DLGAP2: variants seen among roughly 807,000 people sequenced by gnomAD.
DLGAP2 encodes disks large-associated protein 2.
DLGAP2 carries 26 observed loss-of-function variants against 100.3 expected under a neutral mutation model. That is an observed-to-expected ratio of 0.26 (90% CI 0.19 to 0.36). The LOEUF (loss-of-function observed/expected upper bound fraction) is 0.36. DLGAP2 is among the 10% of genes least tolerant of loss of function. DLGAP2 has a pLI of 1.00. For missense variants in DLGAP2, 1,858 were observed against 1,453.2 expected (o/e 1.28, Z -4.53); for synonymous variants, 886 against 630.1 (o/e 1.41, Z -6.08).
At chr8:1,231,260 T>C (rs1473878688) in intron 2 of DLGAP2, among the ~76,000 whole-genome samples, 1 of 152,178 alleles carries the variant, frequency 6.6e-6, no homozygotes, top group African/African-American at 2.4e-5. Context: ...CTAATTGTTA[T>C]AGAAATGTAA....
intron 3 of DLGAP2, among the ~76,000 whole-genome samples, chr8:1,388,906 G>C (rs555596230): frequency 4.6e-4 from 61 of 132,004 alleles, no homozygotes; most frequent in Middle Eastern, 4.1e-3. Context: ...GGCTGTGAGA[G>C]GCAGATGCCG....
chr8:1,173,928 C>G (rs539242102), intron 2 of DLGAP2, among the ~76,000 whole-genome samples: 2 of 152,334 alleles, frequency 1.3e-5, no homozygotes, highest in South Asian at 2.1e-4. Flanking sequence ...TGAGATGAAC[C>G]TGGTACCTCA....
intron 9 of DLGAP2, among the ~76,000 whole-genome samples, chr8:1,669,255 G>C (rs1342947315): frequency 6.6e-6 from 1 of 152,150 alleles, no homozygotes; most frequent in Admixed American, 6.5e-5. Context: ...CGGTTGACCC[G>C]CCGTCCATCT....
chr8:1,308,600 A>C (rs1271034790), intron 3 of DLGAP2, among the ~76,000 whole-genome samples: 2 of 152,308 alleles, frequency 1.3e-5, no homozygotes, highest in South Asian at 4.2e-4. Flanking sequence ...ATCTCAGCTC[A>C]CTGCAACCTC....
intron 3 of DLGAP2, among the ~76,000 whole-genome samples, chr8:1,365,865 C>A (rs1157625324): frequency 6.6e-6 from 1 of 152,250 alleles, no homozygotes; most frequent in South Asian, 2.1e-4. Context: ...AGTGTCACCT[C>A]TCTCTAACTC....
intron 2 of DLGAP2, among the ~76,000 whole-genome samples, chr8:931,806 A>G (rs961776617): frequency 5.9e-5 from 9 of 152,206 alleles, no homozygotes; most frequent in African/African-American, 1.9e-4. Flanking sequence ...GTCTTATGAC[A>G]TCCTTGATCT....
At chr8:1,390,583 G>T (rs916757347) in intron 3 of DLGAP2, among the ~76,000 whole-genome samples, 15 of 152,032 alleles carry the variant, frequency 9.9e-5, no homozygotes, top group Non-Finnish European at 2.1e-4. Flanking sequence ...TGGTCTCTGC[G>T]TGCCGCCTCC....
chr8:1,493,051 G>A (rs933366851), intron 3 of DLGAP2, among the ~76,000 whole-genome samples: 1 of 152,352 alleles, frequency 6.6e-6, no homozygotes, highest in East Asian at 1.9e-4. Flanking sequence ...AGGCTGCACA[G>A]AGATTCAGCC....
At chr8:869,354 G>A (rs2128991310) in intron 1 of DLGAP2, among the ~76,000 whole-genome samples, 1 of 152,276 alleles carries the variant, frequency 6.6e-6, no homozygotes, top group South Asian at 2.1e-4. Context: ...CGCCCTCCCT[G>A]TCAGATCCTG....
chr8:1,667,835 G>C (rs1262076538), intron 8 of DLGAP2, among the ~76,000 whole-genome samples: 4 of 152,166 alleles, frequency 2.6e-5, no homozygotes, highest in Non-Finnish European at 5.9e-5. Context: ...CTGTCCTGCG[G>C]GGACACACCT....
At chr8:1,152,993 C>G (rs1279698951) in intron 2 of DLGAP2, among the ~76,000 whole-genome samples, 1 of 152,318 alleles carries the variant, frequency 6.6e-6, no homozygotes, top group Middle Eastern at 3.4e-3. Flanking sequence ...TCAAGCTATT[C>G]TGTAGAAATT....
chr8:805,440 G>A lies in DLGAP2; in HGVS notation c.18+67615G>A, dbSNP rs142895440. Among the ~76,000 whole-genome samples, 11 of 152,030 alleles carry A rather than the reference G, an allele frequency of 7.2e-5. No individual in the cohort carries two copies. The East Asian group carries it at 1.2e-3, about 16-fold the overall frequency. On this transcript the variant is annotated intron_variant, in intron 1 of 14. Transcript: ENST00000637795. ...TGGGGCCACTACGTTTTTATGTCCC[G>A]CTAGACTCTTCACTTATCTAAAGAT...
intron 3 of DLGAP2, chr8:1,369,805 G>A (rs957810630): frequency 2.6e-5 from 4 of 152,284 alleles, no homozygotes; most frequent in African/African-American, 4.8e-5. Flanking sequence ...GGAAAATGCC[G>A]TGGTTCTCTG....
At chr8:1,284,304 C>T (rs1799879065) in intron 3 of DLGAP2, among the ~76,000 whole-genome samples, 1 of 152,092 alleles carries the variant, frequency 6.6e-6, no homozygotes, top group East Asian at 1.9e-4. Flanking sequence ...GATGGAAGGC[C>T]TGTCTGGATT....
intron 2 of DLGAP2, among the ~76,000 whole-genome samples, chr8:950,853 T>C (rs1306997851): frequency 6.6e-6 from 1 of 152,070 alleles, no homozygotes; most frequent in Non-Finnish European, 1.5e-5. Flanking sequence ...CTCGATTTCC[T>C]GACCTTGTGG....
intron 2 of DLGAP2, among the ~76,000 whole-genome samples, chr8:1,163,070 C>T (rs114254253): frequency 0.022 from 3,288 of 152,190 alleles, 146 homozygotes; most frequent in African/African-American, 0.075. Flanking sequence ...GTGGAGTCCT[C>T]GGCTGGTAAG....
intron 1 of DLGAP2, among the ~76,000 whole-genome samples, chr8:799,240 A>G (rs1385220035): frequency 2.6e-5 from 4 of 151,958 alleles, no homozygotes; most frequent in Admixed American, 6.6e-5. Flanking sequence ...CCTCGTCAGC[A>G]CCGTCACAGC....
At chr8:1,472,763 C>A (rs1798835987) in intron 3 of DLGAP2, among the ~76,000 whole-genome samples, 1 of 152,184 alleles carries the variant, frequency 6.6e-6, no homozygotes, top group African/African-American at 2.4e-5. Flanking sequence ...GCTGGGGTGA[C>A]AAGGATGCAC....
intron 2 of DLGAP2, among the ~76,000 whole-genome samples, chr8:917,871 G>A (rs374213758): frequency 2.6e-5 from 4 of 152,160 alleles, no homozygotes. Flanking sequence ...GAGCTACTGC[G>A]CCCGGCCTCC....
Sources: allele counts gnomAD v4.1 joint callset (sites outside exome capture counted in the v4.1 genomes callset), GRCh38; gene constraint gnomAD v4.1.1; transcripts MANE v1.5; gene names NCBI Gene and HGNC (gene_info 2026-07-23, HGNC 2026-07-21).